NBEA: variants seen among roughly 807,000 people sequenced by gnomAD.
The protein encoded by NBEA is lysosomal-trafficking regulator 2.
NBEA carries 44 observed loss-of-function variants against 343.4 expected under a neutral mutation model. The ratio of observed to expected loss-of-function variants is 0.13; its 90% CI spans 0.10 to 0.16. NBEA has a LOEUF of 0.16. Among genes scored for constraint, NBEA ranks in the 10% least tolerant of loss-of-function variants. NBEA has a pLI of 1.00. For synonymous variants in NBEA, 1,175 were observed against 1,238.7 expected (o/e 0.95, Z 1.08); for missense variants, 2,555 against 3,631.3 (o/e 0.70, Z 7.62).
intron 35 of NBEA, among the ~76,000 whole-genome samples, chr13:35,303,556 A>C (rs1005606792): frequency 6.6e-6 from 1 of 152,178 alleles, no homozygotes; most frequent in Non-Finnish European, 1.5e-5. Context: ...GGGTGCCTTC[A>C]TGAATAATAA....
intron 38 of NBEA, among the ~76,000 whole-genome samples, chr13:35,357,695 A>G (rs1224135531): frequency 6.6e-6 from 1 of 152,136 alleles, no homozygotes; most frequent in Admixed American, 6.6e-5. Context: ...TATAGAGTCT[A>G]TCATTTATGG....
rs376762095 is a variant in NBEA, at chr13:35,617,377, G to A, written c.7450-10704G>A. Among the ~76,000 whole-genome samples, 19 of 152,328 alleles carry A rather than the reference G, an allele frequency of 1.2e-4. No individual in the cohort carries two copies. In the East Asian group the frequency reaches 3.5e-3, roughly 28 times the overall value. ...GCATCACCTGGAAGCAGTGCCGGGT[G>A]AAATGGATCACGTGTAGGAGTGCCT... On this transcript the variant is annotated intron_variant, in intron 48 of 58. Transcript: ENST00000379939.
intron 48 of NBEA, among the ~76,000 whole-genome samples, chr13:35,616,362 T>C (rs1278103139): frequency 2.0e-4 from 30 of 152,224 alleles, no homozygotes; most frequent in Non-Finnish European, 4.4e-5. Flanking sequence ...AAAGAAACTT[T>C]GGAATATCCT....
At chr13:34,970,174 G>T (rs9572856) in intron 1 of NBEA, among the ~76,000 whole-genome samples, 1 of 152,128 alleles carries the variant, frequency 6.6e-6, no homozygotes, top group African/African-American at 2.4e-5. Flanking sequence ...TCATATGATT[G>T]TTGGGCACAT....
intron 45 of NBEA, among the ~76,000 whole-genome samples, chr13:35,582,083 G>T (rs1296710901): frequency 2.0e-5 from 3 of 151,942 alleles, no homozygotes; most frequent in Non-Finnish European, 2.9e-5. Flanking sequence ...TCAGGAGATT[G>T]AGACCATCCT....
intron 13 of NBEA, among the ~76,000 whole-genome samples, chr13:35,112,805 G>A (rs570453557): frequency 2.6e-5 from 4 of 151,520 alleles, no homozygotes; most frequent in Admixed American, 1.3e-4. Flanking sequence ...TTTCTGATTC[G>A]ATTGGTAATA....
rs73485790 is a variant in NBEA at position 34,995,926 on chromosome 13, C to T, written c.295-45007C>T. Among the ~76,000 whole-genome samples, 363 of 152,310 alleles carry T rather than the reference C, an allele frequency of 2.4e-3. 1 individual carries two copies. The highest frequency in any genetic ancestry group is 8.0e-3 in the African/African-American group (333 of 41,568). ...TTCTCAGTCCTACCTGCTAATGGGACGTGAGCCTTTAGATATTCTGCTGGG... is the reference window on the plus strand; with the variant it reads ...TTCTCAGTCCTACCTGCTAATGGGATGTGAGCCTTTAGATATTCTGCTGGG... On this transcript the variant is annotated intron_variant, in intron 1 of 58. Transcript: ENST00000379939.
At chr13:35,603,440 T>A (rs1436376419) in intron 47 of NBEA, among the ~76,000 whole-genome samples, 1 of 152,056 alleles carries the variant, frequency 6.6e-6, no homozygotes, top group East Asian at 1.9e-4. Context: ...TGCGCCTTTG[T>A]GAATCTAATT....
At chr13:35,169,214 C>G (rs1320005401) in intron 25 of NBEA, among the ~76,000 whole-genome samples, 1 of 151,464 alleles carries the variant, frequency 6.6e-6, no homozygotes, top group Non-Finnish European at 1.5e-5. Flanking sequence ...ATTAAACTAT[C>G]ATATTGAACA....
At position 35,173,501 on chromosome 13, in the gene NBEA, G is replaced by T. The variant is rs768539634; in HGVS notation, c.4461G>T (p.Arg1487=). The T allele has an allele frequency of 1.9e-6, 3 of 1,609,474 alleles. No homozygotes were observed. The highest frequency in any genetic ancestry group is 2.2e-5 in the East Asian group (1 of 44,640). The change falls in exon 27 of 59, where the codon CGG becomes CGT. Residue 1487 remains arginine (R), a synonymous_variant. Coordinates refer to ENST00000379939, the MANE Select transcript of NBEA (RefSeq NM_001385012.1). The part of the protein sequence containing the change: ...CVAVRNCLEC[R]QRQRDRGNKS... Reference sequence around the variant, plus strand: ...CTGTGAGAAACTGTTTAGAATGTCGGCAAAGACAGAGAGACAGGGGAAATA... The same window carrying T: ...CTGTGAGAAACTGTTTAGAATGTCGTCAAAGACAGAGAGACAGGGGAAATA...
chr13:34,990,832 A>T (rs1462496915), intron 1 of NBEA, among the ~76,000 whole-genome samples: 1 of 152,180 alleles, frequency 6.6e-6, no homozygotes, highest in Admixed American at 6.5e-5. Context: ...CTCTTTGCTT[A>T]TGCATGTGAC....
intron 48 of NBEA, among the ~76,000 whole-genome samples, chr13:35,613,673 T>A (rs1481874924): frequency 6.6e-6 from 1 of 152,142 alleles, no homozygotes; most frequent in Non-Finnish European, 1.5e-5. Context: ...CAGACTGAAG[T>A]GCAGTGGTGC....
intron 38 of NBEA, among the ~76,000 whole-genome samples, chr13:35,432,067 A>C (rs2045150746): frequency 6.6e-6 from 1 of 151,914 alleles, no homozygotes; most frequent in Admixed American, 6.6e-5. Context: ...GAATGTTATT[A>C]TTTTAAGTCT....
intron 21 of NBEA, 31 bp downstream of exon 21, chr13:35,157,301 CAG>C (rs770412054): frequency 7.7e-5 from 113 of 1,467,668 alleles, no homozygotes; most frequent in East Asian, 9.6e-5. Context: ...TTAACATCAT[CAG>C]AGTTATTGCA....
chr13:35,002,068 G>A (rs1457491895), intron 1 of NBEA, among the ~76,000 whole-genome samples: 1 of 152,116 alleles, frequency 6.6e-6, no homozygotes, highest in African/African-American at 2.4e-5. Context: ...GATAAACTAT[G>A]GTGTATTCTA....
intron 41 of NBEA, among the ~76,000 whole-genome samples, chr13:35,526,916 C>A (rs772218733): frequency 6.6e-6 from 1 of 152,054 alleles, no homozygotes; most frequent in Non-Finnish European, 1.5e-5. Context: ...GCAGTGGCGA[C>A]AAGAAGCTGG....
chr13:35,016,117 G>C (rs2061648340), intron 1 of NBEA, among the ~76,000 whole-genome samples: 1 of 152,030 alleles, frequency 6.6e-6, no homozygotes, highest in South Asian at 2.1e-4. Context: ...GGATATAAAA[G>C]GTTAGAAATG....
intron 38 of NBEA, among the ~76,000 whole-genome samples, chr13:35,384,955 G>A (rs997418007): frequency 6.6e-6 from 1 of 152,158 alleles, no homozygotes; most frequent in African/African-American, 2.4e-5. Flanking sequence ...ACAGGATTCA[G>A]TCTGAAAATA....
intron 41 of NBEA, among the ~76,000 whole-genome samples, chr13:35,491,095 T>G (rs530872945): frequency 3.3e-5 from 5 of 151,950 alleles, no homozygotes; most frequent in Admixed American, 6.6e-5. Context: ...CTAGCAAAGA[T>G]AGGACTCAAA....
Sources: gnomAD v4.1 joint callset for allele counts (sites outside exome capture counted in the v4.1 genomes callset) on GRCh38, gnomAD v4.1.1 for gene constraint, MANE v1.5 for transcripts, NCBI Gene and HGNC (gene_info 2026-07-23, HGNC 2026-07-21) for gene names.